The following RBL2 variants were observed in gnomAD, a reference collection of about 807,000 sequenced individuals.
The protein encoded by RBL2 is retinoblastoma-like protein 2.
In RBL2, 56 loss-of-function variants were observed where a neutral mutation model predicts 126.0. The ratio of observed to expected loss-of-function variants is 0.44; its 90% CI spans 0.36 to 0.56. The LOEUF (loss-of-function observed/expected upper bound fraction) is 0.56, where lower values mean the gene tolerates loss of function less well. Ranked by LOEUF, RBL2 falls within the 20% of genes least tolerant of loss-of-function variation. The probability of loss-of-function intolerance (pLI) is 0.00; values close to 1 mark genes in which losing one functional copy is unlikely to be tolerated. For missense variants in RBL2, 1,229 were observed against 1,398.2 expected (o/e 0.88, Z 1.93); for synonymous variants, 454 against 478.5 (o/e 0.95, Z 0.67).
intron 21 of RBL2, among the ~76,000 whole-genome samples, chr16:53,484,850 C>A (rs1961099193): frequency 6.6e-6 from 1 of 151,998 alleles, no homozygotes; most frequent in Non-Finnish European, 1.5e-5. Flanking sequence ...CTCAATAAAG[C>A]TGGAAGGGTG....
rs897971763 is a variant in RBL2 at position 53,490,842 on chromosome 16, A to G, written c.*542A>G. 1.3e-5 allele frequency: 2 copies of G among 152,622 alleles called. No homozygotes were observed. The highest frequency in any genetic ancestry group is 1.9e-4 in the East Asian group (1 of 5,190). The allele number at this position is 152,622 out of a possible 1,614,324, so 9.5% of individuals were successfully genotyped here. On this transcript the variant is annotated 3_prime_UTR_variant, in exon 22 of 22. Coordinates refer to ENST00000262133, the MANE Select transcript of RBL2 (RefSeq NM_005611.4). ...CCCTCGTCTCCCGTTCCCTTTGTGC[A>G]CATCTTCCCTCTCCCCATTCGGTGT...
At chr16:53,446,030 C>G (rs2058058892) in intron 3 of RBL2, 1 of 151,842 alleles carries the variant, frequency 6.6e-6, no homozygotes, top group South Asian at 2.1e-4. Context: ...GTAGAGGAAA[C>G]AAGAAAAGAC....
At chr16:53,445,740 G>A (rs72801821) in intron 3 of RBL2, 42,283 of 152,144 alleles carry the variant, frequency 0.28, 6,158 homozygotes, top group Middle Eastern at 0.37. Flanking sequence ...GTAGGACACA[G>A]GCATTTTTTA....
At position 53,480,755 on chromosome 16, in the gene RBL2, T is replaced by A; in HGVS notation, c.3070T>A (p.Tyr1024Asn). ...IKQIKTFAMK[Y>N]SQANMDAPPL... ...ACAGATTAAGACATTTGCCATGAAG[T>A]ACTCACAGGCAAATGTAAGTATGAC... The change falls in exon 20 of 22, where the codon TAC (tyrosine) becomes AAC (asparagine). Residue 1024 changes from tyrosine (Y) to asparagine (N), a missense_variant. Physicochemically the swap from Tyr to Asn is moderately radical, Grantham distance 143 (BLOSUM62 -2). Around this residue, in one of 2 missense-constraint regions of RBL2, gnomAD observed 1,070 missense variants for 1,274.3 expected, o/e 0.84. Coordinates refer to ENST00000262133, the MANE Select transcript of RBL2 (RefSeq NM_005611.4). 1 of 1,612,272 alleles carries A rather than the reference T, an allele frequency of 6.2e-7. No individual in the cohort carries two copies. The highest frequency in any genetic ancestry group is 1.1e-5 in the South Asian group (1 of 91,008).
chr16:53,479,778 T>C (rs1369424034), intron 18 of RBL2, 108 bp from the exon 19 acceptor site: 2 of 671,376 alleles, frequency 3.0e-6, no homozygotes, highest in African/African-American at 3.7e-5. Context: ...GGACAACTAT[T>C]GCTATACAGG....
At chr16:53,443,472 A>T (rs1334105398) in intron 3 of RBL2, 1 of 152,226 alleles carries the variant, frequency 6.6e-6, no homozygotes, top group African/African-American at 2.4e-5. Context: ...TGAATTCAGA[A>T]TAGAGAGACT....
intron 19 of RBL2, chr16:53,480,235 C>G (rs890257067): frequency 3.8e-6 from 2 of 532,192 alleles, no homozygotes; most frequent in Non-Finnish European, 6.6e-6. Flanking sequence ...TGCCTGAGTT[C>G]CAGAAAGGTC....
At chr16:53,471,094 A>G (rs2058319095) in intron 17 of RBL2, among the ~76,000 whole-genome samples, 172 bp downstream of exon 17, 1 of 152,270 alleles carries the variant, frequency 6.6e-6, no homozygotes, top group Non-Finnish European at 1.5e-5. Context: ...CCACAATTTT[A>G]GAACATAATA....
At position 53,454,735 on chromosome 16, in the gene RBL2, G is replaced by A. The variant is rs1171402390; in HGVS notation, c.1072G>A (p.Ala358Thr). The A allele has an allele frequency of 1.9e-6, 3 of 1,613,926 alleles. No homozygotes were observed. Among genetic ancestry groups the A allele is most frequent in the Non-Finnish European group, 2.5e-6 (3 of 1,179,904 alleles). Residue 358 changes from alanine to threonine, a missense_variant, in exon 8 of 22, where the codon GCT becomes ACT. Physicochemically the swap from Ala to Thr is moderately conservative, Grantham distance 58. Coordinates refer to ENST00000262133, the MANE Select transcript of RBL2 (RefSeq NM_005611.4). Reference sequence around the variant, plus strand: ...TGAGCGGATATTTCTTGGAGAGGATGCTGAGGAGGAAATTGGGACTCTCTC... The same window carrying A: ...TGAGCGGATATTTCTTGGAGAGGATACTGAGGAGGAAATTGGGACTCTCTC... The part of the protein sequence containing the change: ...LDERIFLGED[A>T]EEEIGTLSRC...
At chr16:53,459,428 T>C (rs890701943) in intron 8 of RBL2, 23 bp from the exon 9 acceptor site, 25 of 1,575,616 alleles carry the variant, frequency 1.6e-5, no homozygotes, top group Non-Finnish European at 2.1e-5. Context: ...TTATTAATTC[T>C]GTGTAATTTT....
rs377114480 is a variant in RBL2, at chr16:53,439,025, C to T, written c.250C>T (p.Leu84Phe). 2.9e-5 allele frequency: 46 copies of T among 1,573,032 alleles called. 1 individual carries two copies. The highest frequency in any genetic ancestry group is 2.1e-4 in the East Asian group (9 of 43,272). Reference protein sequence around the residue: ...SESYTLEGNDLHWLACALYVA... With the variant: ...SESYTLEGNDFHWLACALYVA... ...TTCTTTTCTTTTACAGGGAAATGAT[C>T]TTCATTGGTTAGCATGTGCCTTATA... The change falls in exon 2 of 22, where the codon CTT becomes TTT. Residue 84 changes from leucine to phenylalanine, a missense_variant. Physicochemically the swap from Leu to Phe is conservative, Grantham distance 22. Coordinates refer to ENST00000262133, the MANE Select transcript of RBL2 (RefSeq NM_005611.4).
intron 4 of RBL2, among the ~76,000 whole-genome samples, chr16:53,448,116 TAAGA>T (rs1182566419): frequency 6.6e-6 from 1 of 152,168 alleles, no homozygotes; most frequent in African/African-American, 2.4e-5. Context: ...TTCATAAGTA[TAAGA>T]GAGACTCTCA....
chr16:53,437,841 C>T (rs1218819572), intron 1 of RBL2, among the ~76,000 whole-genome samples: 1 of 151,802 alleles, frequency 6.6e-6, no homozygotes, highest in African/African-American at 2.4e-5. Context: ...TCCTGGCTAA[C>T]ACATTGAAAC....
chr16:53,454,773 C>CGCT lies in RBL2; in HGVS notation c.1112_1114dup (p.Ala371dup). 1 of 1,613,978 alleles carries CGCT rather than the reference C, an allele frequency of 6.2e-7. No individual in the cohort carries two copies. Among genetic ancestry groups the CGCT allele is most frequent in the Non-Finnish European group, 8.5e-7 (1 of 1,179,974 alleles). On this transcript the variant is annotated inframe_insertion, in exon 8 of 22. Coordinates refer to ENST00000262133, the MANE Select transcript of RBL2 (RefSeq NM_005611.4). The stretch of plus-strand genomic sequence containing the variant: ...TTGGGACTCTCTCAAGGTGTCTGAA[C>CGCT]GCTGGTTCAGGAACAGAGACTGCTG...
At chr16:53,478,839 CT>C (rs1327344905) in intron 17 of RBL2, 3 of 237,006 alleles carry the variant, frequency 1.3e-5, no homozygotes, top group Non-Finnish European at 2.5e-5. Context: ...CCAGGCTGGT[CT>C]TGAACTCGTG....
At chr16:53,444,991 T>G (rs1464938464) in intron 3 of RBL2, among the ~76,000 whole-genome samples, 1 of 152,186 alleles carries the variant, frequency 6.6e-6, no homozygotes, top group Non-Finnish European at 1.5e-5. Flanking sequence ...TGCACTTGTT[T>G]TGCTATTTCT....
Position 53,466,521 on chromosome 16 carries a change from C to T in RBL2, c.1864-537C>T, listed in dbSNP as rs774616601. Among the ~76,000 whole-genome samples the T allele has an allele frequency of 4.6e-5, 7 of 151,608 alleles. 1 individual carries two copies. The highest frequency in any genetic ancestry group is 8.8e-5 in the Non-Finnish European group (6 of 67,950). ...GCAACTAGATGGTCCCATCTGGGGG[C>T]GGTGGGAGACAGTGACAGATCAGCA... On this transcript the variant is annotated intron_variant, in intron 13 of 21. Transcript: ENST00000262133.
chr16:53,450,004 A>G (rs557475056), intron 4 of RBL2, among the ~76,000 whole-genome samples: 12 of 137,300 alleles, frequency 8.7e-5, no homozygotes, highest in Non-Finnish European at 1.5e-4. Flanking sequence ...GCACACCAGT[A>G]ACAAGTTTAG....
chr16:53,453,722 A>G lies in RBL2; in HGVS notation c.945A>G (p.Glu315=). The G allele has an allele frequency of 6.2e-7, 1 of 1,611,526 alleles. No homozygotes were observed. Among genetic ancestry groups the G allele is most frequent in the Middle Eastern group, 1.7e-4 (1 of 5,962 alleles). Residue 315 remains glutamate, a synonymous_variant, in exon 7 of 22, where the codon GAA becomes GAG. Coordinates refer to ENST00000262133, the MANE Select transcript of RBL2 (RefSeq NM_005611.4). ...CATCATAGCTCCTTAAGGGAAAAGA[A>G]GAAAATCTCACTGGGTTTCTAGAAC... The part of the protein sequence containing the change: ...LYEKKLLKGK[E]ENLTGFLEPG...
Sources: allele counts gnomAD v4.1 joint callset (sites outside exome capture counted in the v4.1 genomes callset), GRCh38; gene constraint gnomAD v4.1.1; regional missense constraint gnomAD v4.1.1; transcripts MANE v1.5; gene names NCBI Gene and HGNC (gene_info 2026-07-23, HGNC 2026-07-21).